The following LINGO3 variants were observed in gnomAD, a reference collection of about 807,000 sequenced individuals.
LINGO3 encodes the protein leucine rich repeat and Ig domain containing 3.
For synonymous variants in LINGO3, 427 were observed against 444.2 expected, an observed-to-expected ratio of 0.96 and a Z score of 0.49; for missense variants, 750 against 867.7, an observed-to-expected ratio of 0.86 and a Z score of 1.70.
chr19:2,306,050 C>T, the LINGO3 span, among the ~76,000 whole-genome samples: 119 of 152,372 alleles, frequency 7.8e-4, no homozygotes, highest in African/African-American at 2.3e-3. Flanking sequence ...AGCCTGTACA[C>T]GGGGGGCCGT....
the LINGO3 span, among the ~76,000 whole-genome samples, chr19:2,307,869 T>G: frequency 6.6e-6 from 1 of 151,570 alleles, no homozygotes; most frequent in African/African-American, 2.4e-5. Context: ...GGCCCCAGGG[T>G]GGGGAGTTCG....
exon 1 of LINGO3, chr19:2,289,827 G>T (rs2025500370): frequency 1.8e-6 from 1 of 566,348 alleles, no homozygotes; most frequent in Non-Finnish European, 3.1e-6. Context: ...CTGCAAAAAA[G>T]ACGCATGCTG....
At chr19:2,291,462 G>C in exon 1 of LINGO3, 8 of 1,613,000 alleles carry the variant, frequency 5.0e-6, no homozygotes, top group Non-Finnish European at 6.8e-6. Context: ...GACGCAGGAC[G>C]CGCAGGCGCG....
upstream of LINGO3, among the ~76,000 whole-genome samples, chr19:2,296,099 C>G (rs10418405): frequency 0.84 from 128,254 of 152,212 alleles, 54,327 homozygotes; most frequent in African/African-American, 0.92. Context: ...CAAGCTCCCT[C>G]CCAGCACTGT....
chr19:2,298,536 ATTTTTTTT>A, the LINGO3 span, among the ~76,000 whole-genome samples: 2 of 114,132 alleles, frequency 1.8e-5, no homozygotes, highest in South Asian at 2.9e-4. Flanking sequence ...TGGGCCAATA[ATTTTTTTT>A]TTTTTTTTTT....
exon 1 of LINGO3, chr19:2,289,855 G>A (rs1292858245): frequency 4.6e-6 from 3 of 649,836 alleles, no homozygotes; most frequent in Non-Finnish European, 7.8e-6. Flanking sequence ...ACAGTCCTGC[G>A]GTTGGGCGTC....
At chr19:2,292,869 C>A (rs1199102358), upstream of LINGO3, among the ~76,000 whole-genome samples, 4 of 152,096 alleles carry the variant, frequency 2.6e-5, no homozygotes, top group Admixed American at 2.6e-4. Flanking sequence ...GCATCTGTAA[C>A]AGCCAAACAG....
At chr19:2,302,565 A>C in the LINGO3 span, among the ~76,000 whole-genome samples, 1 of 150,860 alleles carries the variant, frequency 6.6e-6, no homozygotes, top group Middle Eastern at 3.4e-3. Flanking sequence ...TCCCCTCCCC[A>C]GCAAGGGGCA....
At chr19:2,303,212 C>T in the LINGO3 span, among the ~76,000 whole-genome samples, 1 of 152,356 alleles carries the variant, frequency 6.6e-6, no homozygotes, top group South Asian at 2.1e-4. Flanking sequence ...CGCATCAATG[C>T]AATCGGACTG....
the LINGO3 span, among the ~76,000 whole-genome samples, chr19:2,302,793 G>A: frequency 1.3e-5 from 2 of 152,244 alleles, no homozygotes; most frequent in African/African-American, 2.4e-5. Flanking sequence ...CCGGGCCGGC[G>A]GCAGGGACGG....
the LINGO3 span, among the ~76,000 whole-genome samples, chr19:2,303,476 G>A: frequency 6.6e-6 from 1 of 152,020 alleles, no homozygotes; most frequent in African/African-American, 2.4e-5. Flanking sequence ...GAGGGGCGAG[G>A]CTGGCCGGGG....
chr19:2,290,150 G>A lies in LINGO3; in HGVS notation c.1627C>T (p.Leu543Phe). 5 of 1,612,630 alleles carry A rather than the reference G, an allele frequency of 3.1e-6. No homozygotes were observed. Among genetic ancestry groups the A allele is most frequent in the Non-Finnish European group, 3.4e-6 (4 of 1,179,634 alleles). The stretch of plus-strand genomic sequence containing the variant: ...ACGAACAGCAGCACGAAGCAGAAGA[G>A]GACCACGCCCAGGAAGGTGATGCAG... The change falls in exon 1 of 1, where the codon CTC becomes TTC. Residue 543 changes from leucine (L) to phenylalanine (F), a missense_variant. Coordinates refer to ENST00000585527, the Ensembl canonical transcript of LINGO3. This position sits in a 1 kb window ranked among gnomAD's most constrained non-coding sequence, Gnocchi z 6.0.
chr19:2,295,941 GT>G (rs1304695983), upstream of LINGO3, among the ~76,000 whole-genome samples: 2 of 151,922 alleles, frequency 1.3e-5, no homozygotes, highest in Admixed American at 6.6e-5. Flanking sequence ...GGAGGCCTTG[GT>G]CCTCCTGCCC....
chr19:2,287,956 A>C (rs796068579), downstream of LINGO3, among the ~76,000 whole-genome samples: 2 of 152,224 alleles, frequency 1.3e-5, no homozygotes, highest in African/African-American at 4.8e-5. The surrounding 1 kb of genome is among the most constrained non-coding windows in gnomAD (Gnocchi z 4.5). Flanking sequence ...CCCTGCCCCC[A>C]GCAATGTCCT....
the LINGO3 span, among the ~76,000 whole-genome samples, chr19:2,299,174 C>T: frequency 6.6e-6 from 1 of 152,284 alleles, no homozygotes; most frequent in Admixed American, 6.5e-5. Context: ...AACCCTGACT[C>T]CCCCACTCGA....
At chr19:2,304,496 C>T in the LINGO3 span, among the ~76,000 whole-genome samples, 5 of 152,160 alleles carry the variant, frequency 3.3e-5, no homozygotes, top group South Asian at 6.2e-4. Flanking sequence ...GAGATCATTC[C>T]GGATCATCCA....
At chr19:2,308,039 G>A in the LINGO3 span, among the ~76,000 whole-genome samples, 4 of 151,250 alleles carry the variant, frequency 2.6e-5, no homozygotes, top group South Asian at 2.1e-4. Flanking sequence ...CAGGTCTGCG[G>A]GCGCGCCCCA....
At chr19:2,296,900 A>G (rs187822917), upstream of LINGO3, among the ~76,000 whole-genome samples, 4,859 of 150,790 alleles carry the variant, frequency 0.032, 276 homozygotes, top group African/African-American at 0.11. Context: ...CATCCTGGCT[A>G]ACATGGTGAA....
the LINGO3 span, among the ~76,000 whole-genome samples, chr19:2,297,151 A>G: frequency 2.0e-5 from 3 of 151,856 alleles, no homozygotes; most frequent in African/African-American, 7.3e-5. Context: ...CAGGCGAGAA[A>G]CATCCATCTG....
Sources: gnomAD v4.1 joint callset for allele counts (sites outside exome capture counted in the v4.1 genomes callset) on GRCh38, gnomAD v4.1.1 for gene constraint, Gnocchi (gnomAD v3.1) non-coding constraint, MANE v1.5 for transcripts, NCBI Gene and HGNC (gene_info 2026-07-23, HGNC 2026-07-21) for gene names.